Variants in ZNF451 observed in about 807,000 individuals in gnomAD.
ZNF451 encodes the protein E3 SUMO-protein ligase ZNF451.
A neutral mutation model predicts 107.1 loss-of-function variants in ZNF451; 80 were observed. The ratio of observed to expected loss-of-function variants is 0.75; its 90% CI spans 0.62 to 0.90. ZNF451 has a LOEUF of 0.90. Ranked by LOEUF, ZNF451 falls within the 40% of genes least tolerant of loss-of-function variation. The pLI, the probability that ZNF451 is intolerant of heterozygous loss-of-function variation, is 0.00. For synonymous variants in ZNF451, 362 were observed against 406.5 expected (o/e 0.89, Z 1.32); for missense variants, 1,107 against 1,236.2 (o/e 0.90, Z 1.57).
At chr6:57,112,721 G>A (rs1830168586) in intron 3 of ZNF451, among the ~76,000 whole-genome samples, 1 of 152,130 alleles carries the variant, frequency 6.6e-6, no homozygotes, top group South Asian at 2.1e-4. Context: ...ATATCACCGT[G>A]TGTGGTATAT....
chr6:57,111,471 C>T (rs1451051367), intron 3 of ZNF451, among the ~76,000 whole-genome samples: 3 of 151,830 alleles, frequency 2.0e-5, no homozygotes, highest in African/African-American at 4.8e-5. Flanking sequence ...ACCTCTGCCT[C>T]CCGGGTTCAA....
chr6:57,107,999 C>T (rs568310839), intron 3 of ZNF451: 16 of 494,866 alleles, frequency 3.2e-5, no homozygotes, highest in Middle Eastern at 1.1e-3. Flanking sequence ...CCACCACACC[C>T]GGCGAATTTT....
chr6:57,140,486 T>C (rs1481788468), intron 7 of ZNF451, among the ~76,000 whole-genome samples: 2 of 152,156 alleles, frequency 1.3e-5, no homozygotes, highest in Non-Finnish European at 2.9e-5. Context: ...CTAGGGGATA[T>C]GTGAATTGGT....
intron 3 of ZNF451, among the ~76,000 whole-genome samples, chr6:57,100,078 A>G (rs1241876553): frequency 3.3e-5 from 5 of 152,232 alleles, no homozygotes; most frequent in Admixed American, 6.5e-5. Flanking sequence ...GTAGGACTAT[A>G]CAACTGGGAA....
chr6:57,108,948 G>C, intron 3 of ZNF451: 1 of 985,300 alleles, frequency 1.0e-6, no homozygotes. Context: ...CATTATACTA[G>C]GCTGCCTCCA....
At chr6:57,093,894 A>C (rs1410605667) in intron 2 of ZNF451, among the ~76,000 whole-genome samples, 1 of 152,272 alleles carries the variant, frequency 6.6e-6, no homozygotes, top group Non-Finnish European at 1.5e-5. Flanking sequence ...TAAAACAGGC[A>C]CAATTGGAAA....
chr6:57,097,271 G>T (rs1829373487), intron 2 of ZNF451, among the ~76,000 whole-genome samples: 1 of 152,142 alleles, frequency 6.6e-6, no homozygotes, highest in Non-Finnish European at 1.5e-5. Context: ...GTACCCAAAA[G>T]ATGGCAGTTT....
At chr6:57,094,239 T>A (rs571631623) in intron 2 of ZNF451, among the ~76,000 whole-genome samples, 1 of 152,240 alleles carries the variant, frequency 6.6e-6, no homozygotes, top group Non-Finnish European at 1.5e-5. Flanking sequence ...TGCTTCTACA[T>A]GTGCTTCTGC....
rs779413701 is a variant in ZNF451 at position 57,150,868 on chromosome 6, G to A, written c.2752+6G>A. The A allele has an allele frequency of 2.5e-6, 4 of 1,613,046 alleles. No individual in the cohort carries two copies. In the Admixed American group the frequency reaches 5.0e-5, roughly 20 times the overall value. ...ATTTATTTGGGGCTTTCAAGGTACGGTTAATAAGAAAAACAAAAGAAAACT... is the reference window on the plus strand; with the variant it reads ...ATTTATTTGGGGCTTTCAAGGTACGATTAATAAGAAAAACAAAAGAAAACT... On this transcript the variant is annotated splice_donor_region_variant and intron_variant, in intron 11 of 14. Coordinates refer to ENST00000370706, the MANE Select transcript of ZNF451 (RefSeq NM_001031623.3).
At position 57,134,783 on chromosome 6, in the gene ZNF451, T is replaced by C; in HGVS notation, c.615T>C (p.His205=). 6.2e-7 allele frequency: 1 copy of C among 1,613,382 alleles called. No homozygotes were observed. The highest frequency in any genetic ancestry group is 1.7e-5 in the Admixed American group (1 of 60,018). ...HSPCDPTITL[H]GPFFSSFACV... ...CATGTGATCCAACAATTACACTACA[T>C]GGACCTTTCTTCAGCTCCTTTGCTT... The change falls in exon 7 of 15, where the codon CAT becomes CAC. Residue 205 remains histidine (H), a synonymous_variant. Coordinates refer to ENST00000370706, the MANE Select transcript of ZNF451 (RefSeq NM_001031623.3).
intron 3 of ZNF451, among the ~76,000 whole-genome samples, chr6:57,110,923 T>C (rs1273465753): frequency 6.6e-6 from 1 of 151,814 alleles, no homozygotes; most frequent in African/African-American, 2.4e-5. Context: ...TTTTTCCTTC[T>C]TTTTCCCTTA....
chr6:57,118,706 A>G (rs1480029057), intron 3 of ZNF451, among the ~76,000 whole-genome samples: 4 of 151,492 alleles, frequency 2.6e-5, no homozygotes, highest in African/African-American at 9.7e-5. Flanking sequence ...CTGGTCTCCA[A>G]CTCCTGGGCT....
chr6:57,164,444 C>T (rs890924385), intron 14 of ZNF451, among the ~76,000 whole-genome samples: 1 of 152,132 alleles, frequency 6.6e-6, no homozygotes, highest in East Asian at 1.9e-4. Flanking sequence ...ATATGTTCAT[C>T]TAAGGTCTAC....
At chr6:57,125,807 A>G (rs1022524336) in intron 4 of ZNF451, among the ~76,000 whole-genome samples, 5 of 150,842 alleles carry the variant, frequency 3.3e-5, no homozygotes, top group African/African-American at 1.2e-4. Flanking sequence ...ATGGTATTCT[A>G]ATTGTATGTT....
intron 13 of ZNF451, among the ~76,000 whole-genome samples, chr6:57,155,109 A>T (rs1763348031): frequency 6.6e-6 from 1 of 152,156 alleles, no homozygotes; most frequent in Admixed American, 6.5e-5. Flanking sequence ...AGTTCTGAGT[A>T]TTATCTTCCT....
chr6:57,134,709 A>C (rs1831347356), intron 6 of ZNF451, 35 bp from the exon 7 acceptor site: 1 of 1,594,836 alleles, frequency 6.3e-7, no homozygotes, highest in African/African-American at 1.3e-5. Flanking sequence ...ATGTAGATTT[A>C]TCTAATATTA....
chr6:57,169,856 G>T lies in ZNF451; in HGVS notation c.*1387G>T, dbSNP rs1009284109. 7 of 152,196 alleles carry T rather than the reference G, an allele frequency of 4.6e-5. No homozygotes were observed. Among genetic ancestry groups the T allele is most frequent in the African/African-American group, 1.7e-4 (7 of 41,436 alleles). 9.4% of individuals were successfully genotyped at this position (152,196 alleles called of 1,614,324 possible). On this transcript the variant is annotated 3_prime_UTR_variant, in exon 15 of 15. Coordinates refer to ENST00000370706, the MANE Select transcript of ZNF451 (RefSeq NM_001031623.3). ...AAGTGGTCAAGCAAGGCTCTAGGAG[G>T]TAGTCACTGAGCTGGACCTTAAACA...
intron 3 of ZNF451, among the ~76,000 whole-genome samples, chr6:57,122,653 C>T (rs533530025): frequency 1.3e-5 from 2 of 152,246 alleles, no homozygotes; most frequent in East Asian, 3.9e-4. Flanking sequence ...CAGAGAGATG[C>T]AAATCAAAAT....
intron 3 of ZNF451, among the ~76,000 whole-genome samples, chr6:57,111,410 TCA>T (rs1830108967): frequency 6.6e-6 from 1 of 151,534 alleles, no homozygotes; most frequent in Non-Finnish European, 1.5e-5. Flanking sequence ...AGACGGAGTC[TCA>T]CTCTGTCGCT....
Sources: allele counts gnomAD v4.1 joint callset (sites outside exome capture counted in the v4.1 genomes callset), GRCh38; gene constraint gnomAD v4.1.1; transcripts MANE v1.5; gene names NCBI Gene and HGNC (gene_info 2026-07-23, HGNC 2026-07-21).